The following KCNAB1 variants were observed in gnomAD, a reference collection of about 807,000 sequenced individuals.
KCNAB1 encodes potassium voltage-gated channel subfamily A regulatory beta subunit 1.
A neutral mutation model predicts 64.6 loss-of-function variants in KCNAB1; 35 were observed. The ratio of observed to expected loss-of-function variants is 0.54; its 90% CI spans 0.41 to 0.72. The LOEUF (loss-of-function observed/expected upper bound fraction) is 0.72, where lower values mean the gene tolerates loss of function less well. Ranked by LOEUF, KCNAB1 falls within the 30% of genes least tolerant of loss-of-function variation. The pLI is 0.00. For synonymous variants in KCNAB1, 177 were observed against 183.8 expected (o/e 0.96, Z 0.30); for missense variants, 401 against 512.9 (o/e 0.78, Z 2.11).
chr3:156,200,809 G>A (rs1004315742), intron 1 of KCNAB1, among the ~76,000 whole-genome samples: 1 of 152,206 alleles, frequency 6.6e-6, no homozygotes, highest in Non-Finnish European at 1.5e-5. Flanking sequence ...CCCTTTTCCA[G>A]CGGAGTGAAT....
chr3:156,287,507 C>T (rs578244209), intron 1 of KCNAB1, among the ~76,000 whole-genome samples: 4 of 152,158 alleles, frequency 2.6e-5, no homozygotes, highest in African/African-American at 4.8e-5. Flanking sequence ...TTATCATTCA[C>T]GCTATACATC....
rs1426958019 is a variant in KCNAB1, at chr3:156,432,508, T to C, written c.319+10849T>C. Among the ~76,000 whole-genome samples, 4 of 152,168 alleles carry C rather than the reference T, an allele frequency of 2.6e-5. No homozygotes were observed. In the East Asian group the frequency reaches 7.7e-4, roughly 29 times the overall value. ...CAATACTCATTTCATATCTGACAAC[T>C]AATTACAATTAGAGGAAAAAGAGGC... is the stretch of plus-strand genomic sequence containing the variant. On this transcript the variant is annotated intron_variant, in intron 2 of 13. Coordinates refer to ENST00000490337, the MANE Select transcript of KCNAB1 (RefSeq NM_172160.3).
intron 2 of KCNAB1, among the ~76,000 whole-genome samples, chr3:156,431,460 T>C (rs1210152553): frequency 6.6e-6 from 1 of 152,192 alleles, no homozygotes; most frequent in African/African-American, 2.4e-5. Flanking sequence ...TGTGCCTGCC[T>C]CTGGTATGCC....
rs1441271397 is a variant in KCNAB1 at position 156,210,194 on chromosome 3, G to A, written c.275+89308G>A. On this transcript the variant is annotated intron_variant, in intron 1 of 13. Transcript: ENST00000490337. ...GAAGGCATGGGCAGCTCGCTGACCA[G>A]GAATGCCTCTGCCTCCCCTTGCTTT... Among the ~76,000 whole-genome samples the A allele has an allele frequency of 2.0e-5, 3 of 152,164 alleles. No individual in the cohort carries two copies. In the East Asian group the frequency reaches 5.8e-4, roughly 29 times the overall value.
At chr3:156,227,590 A>C (rs1716262201) in intron 1 of KCNAB1, 1 of 152,216 alleles carries the variant, frequency 6.6e-6, no homozygotes, top group Non-Finnish European at 1.5e-5. Flanking sequence ...ATTATATTTC[A>C]AGAAAGAAGG....
At chr3:156,300,828 T>C (rs1721108578) in intron 1 of KCNAB1, among the ~76,000 whole-genome samples, 2 of 152,208 alleles carry the variant, frequency 1.3e-5, no homozygotes, top group Non-Finnish European at 2.9e-5. Flanking sequence ...ATTTGATGTA[T>C]AGGTTTCAAT....
Position 156,508,137 on chromosome 3 carries a change from T to C in KCNAB1, c.659-6227T>C, listed in dbSNP as rs1716945968. On this transcript the variant is annotated intron_variant, in intron 8 of 13. Coordinates refer to ENST00000490337, the MANE Select transcript of KCNAB1 (RefSeq NM_172160.3). This position sits in a 1 kb window ranked among gnomAD's most constrained non-coding sequence, Gnocchi z 4.1. Reference sequence around the variant, plus strand: ...TATAATTGTTAATAATATTCAAGCTTTTAATTATGCCTAAAAACTTCACTC... The same window carrying C: ...TATAATTGTTAATAATATTCAAGCTCTTAATTATGCCTAAAAACTTCACTC... 6.6e-6 allele frequency among the ~76,000 whole-genome samples: 1 copy of C among 152,196 alleles called. No individual in the cohort carries two copies. Among genetic ancestry groups the C allele is most frequent in the Admixed American group, 6.5e-5 (1 of 15,288 alleles).
intron 1 of KCNAB1, among the ~76,000 whole-genome samples, chr3:156,363,920 A>G (rs563698104): frequency 1.7e-3 from 256 of 152,320 alleles, no homozygotes; most frequent in Non-Finnish European, 2.6e-3. Flanking sequence ...GGATCATACC[A>G]TTTCCACTGT....
chr3:156,243,489 A>G, intron 1 of KCNAB1, among the ~76,000 whole-genome samples: 1 of 152,188 alleles, frequency 6.6e-6, no homozygotes. Flanking sequence ...TGGCCTCCCA[A>G]AGTGCTGGGA....
At chr3:156,412,602 C>T (rs954143837) in intron 1 of KCNAB1, among the ~76,000 whole-genome samples, 3 of 152,158 alleles carry the variant, frequency 2.0e-5, no homozygotes, top group Non-Finnish European at 2.9e-5. Flanking sequence ...AGTCTACAAT[C>T]GAGTACTTTG....
chr3:156,468,567 C>G (rs1448827875), intron 7 of KCNAB1, among the ~76,000 whole-genome samples: 2 of 152,052 alleles, frequency 1.3e-5, no homozygotes, highest in African/African-American at 4.8e-5. Context: ...GCCTCTGTCT[C>G]CTTAACTATA....
intron 1 of KCNAB1, among the ~76,000 whole-genome samples, chr3:156,164,149 C>T (rs188937583): frequency 6.6e-6 from 1 of 152,190 alleles, no homozygotes; most frequent in Non-Finnish European, 1.5e-5. Context: ...AATGACTTGG[C>T]CTCCCTCCTC....
At position 156,363,108 on chromosome 3, in the gene KCNAB1, C is replaced by A. The variant is rs1003274124; in HGVS notation, c.276-58508C>A. On this transcript the variant is annotated intron_variant, in intron 1 of 13. Coordinates refer to ENST00000490337, the MANE Select transcript of KCNAB1 (RefSeq NM_172160.3). ...GTTAATTATATTAAAGCTAAAGAAA[C>A]CATTACATTGCCTCAGAAAAATAAT... is the stretch of plus-strand genomic sequence containing the variant. 1.1e-4 allele frequency among the ~76,000 whole-genome samples: 16 copies of A among 152,324 alleles called. No individual in the cohort carries two copies. The East Asian group carries it at 3.1e-3, about 29-fold the overall frequency.
At chr3:156,331,807 G>A (rs959375841) in intron 1 of KCNAB1, among the ~76,000 whole-genome samples, 2 of 152,120 alleles carry the variant, frequency 1.3e-5, no homozygotes, top group African/African-American at 4.8e-5. Flanking sequence ...GAAGCCCCTG[G>A]TGTTGATGAA....
chr3:156,529,243 C>T (rs1718527746), intron 12 of KCNAB1, among the ~76,000 whole-genome samples: 1 of 152,164 alleles, frequency 6.6e-6, no homozygotes, highest in Non-Finnish European at 1.5e-5. Context: ...AAACGACCAC[C>T]TATTGTATGA....
intron 1 of KCNAB1, among the ~76,000 whole-genome samples, chr3:156,166,631 G>C (rs1262683266): frequency 6.6e-6 from 1 of 151,764 alleles, no homozygotes; most frequent in African/African-American, 2.4e-5. Flanking sequence ...TTCTTTTATG[G>C]GTTTACATCT....
intron 1 of KCNAB1, chr3:156,273,562 C>T: frequency 2.2e-6 from 1 of 456,622 alleles, no homozygotes; most frequent in Middle Eastern, 3.3e-4. Flanking sequence ...CACAGATGCT[C>T]TTTCCATGCC....
At position 156,349,559 on chromosome 3, in the gene KCNAB1, C is replaced by A. The variant is rs1208780396; in HGVS notation, c.276-72057C>A. On this transcript the variant is annotated intron_variant, in intron 1 of 13. Transcript: ENST00000490337. ...AATTCTCCAGCTTCTTGTCTTCTTGCCTTTCTCCTTCTTGTTCTTTGAGAC... is the reference window on the plus strand; with the variant it reads ...AATTCTCCAGCTTCTTGTCTTCTTGACTTTCTCCTTCTTGTTCTTTGAGAC... Among the ~76,000 whole-genome samples the A allele has an allele frequency of 3.3e-5, 5 of 152,172 alleles. No individual in the cohort carries two copies. The East Asian group carries it at 9.7e-4, about 29-fold the overall frequency.
intron 1 of KCNAB1, among the ~76,000 whole-genome samples, chr3:156,203,005 AGATTATC>A (rs1714438357): frequency 1.3e-5 from 2 of 152,156 alleles, no homozygotes; most frequent in Non-Finnish European, 2.9e-5. Flanking sequence ...TAAAGTTTTT[AGATTATC>A]TTTGACAAGT....
Sources: gnomAD v4.1 joint callset for allele counts (sites outside exome capture counted in the v4.1 genomes callset) on GRCh38, gnomAD v4.1.1 for gene constraint, Gnocchi (gnomAD v3.1) non-coding constraint, MANE v1.5 for transcripts, NCBI Gene and HGNC (gene_info 2026-07-23, HGNC 2026-07-21) for gene names.